The following C2CD2 variants were observed in gnomAD, a reference collection of about 807,000 sequenced individuals.
The protein encoded by C2CD2 is C2 domain-containing protein 2.
A neutral mutation model predicts 74.3 loss-of-function variants in C2CD2; 43 were observed. The observed-to-expected ratio is 0.58, with a 90% CI of 0.45 to 0.75. C2CD2 has a LOEUF of 0.75. Ranked by LOEUF, C2CD2 falls within the 30% of genes least tolerant of loss-of-function variation. The pLI is 0.00. For missense variants in C2CD2, 801 were observed against 916.3 expected (o/e 0.87, Z 1.63); for synonymous variants, 422 against 390.7 (o/e 1.08, Z -0.94).
chr21:41,914,668 T>TG lies in C2CD2; in HGVS notation c.773dup (p.Arg259LysfsTer27). 1 of 1,613,334 alleles carries TG rather than the reference T, an allele frequency of 6.2e-7. No individual in the cohort carries two copies. Among genetic ancestry groups the TG allele is most frequent in the Non-Finnish European group, 8.5e-7 (1 of 1,179,316 alleles). On this transcript the variant is annotated frameshift_variant, in exon 6 of 14. Transcript: ENST00000380486. LOFTEE classifies it high-confidence loss of function. ...CCAGTAGCTTCAGCTCGTGAGCCCTTGGAGGTTTAGGAGGACAGGATTCCT... is the reference window on the plus strand; with the variant it reads ...CCAGTAGCTTCAGCTCGTGAGCCCTTGGGAGGTTTAGGAGGACAGGATTCCT...
At chr21:41,925,805 C>G (rs1455457180) in intron 2 of C2CD2, among the ~76,000 whole-genome samples, 1 of 152,200 alleles carries the variant, frequency 6.6e-6, no homozygotes. Flanking sequence ...CTCCTCCTCT[C>G]TAGTTAGCCT....
intron 2 of C2CD2, among the ~76,000 whole-genome samples, chr21:41,934,915 A>G (rs1031918274): frequency 3.3e-5 from 5 of 151,156 alleles, no homozygotes; most frequent in Non-Finnish European, 5.9e-5. Context: ...TTTCCCGAGT[A>G]GAGTCTGGCT....
intron 2 of C2CD2, among the ~76,000 whole-genome samples, chr21:41,930,831 C>T (rs996343392): frequency 6.7e-6 from 1 of 150,278 alleles, no homozygotes; most frequent in Non-Finnish European, 1.5e-5. Context: ...CCCTGATTCA[C>T]ATTCATCTTT....
chr21:41,889,390 G>A (rs754222666), intron 13 of C2CD2, 46 bp from the exon 14 acceptor site: 1 of 1,314,396 alleles, frequency 7.6e-7, no homozygotes, highest in South Asian at 1.2e-5. Context: ...CAGGGAATGA[G>A]GGGCTGAATG....
intron 2 of C2CD2, among the ~76,000 whole-genome samples, chr21:41,930,016 G>C (rs953802353): frequency 7.5e-6 from 1 of 133,866 alleles, no homozygotes. Context: ...GGGAGGAAGC[G>C]AGCAGGTGAG....
chr21:41,928,911 A>G (rs56104533), intron 2 of C2CD2, among the ~76,000 whole-genome samples: 4,250 of 151,980 alleles, frequency 0.028, 190 homozygotes, highest in African/African-American at 0.097. Flanking sequence ...TCCTTTCCCT[A>G]TCTCTGTTGT....
chr21:41,901,536 T>C (rs752899653), intron 12 of C2CD2, 86 bp downstream of exon 12: 3 of 1,395,904 alleles, frequency 2.1e-6, no homozygotes, highest in Non-Finnish European at 2.0e-6. Flanking sequence ...AACCAAGTGC[T>C]TGGGCTAACT....
chr21:41,946,177 C>T (rs556515677), intron 1 of C2CD2, among the ~76,000 whole-genome samples: 6 of 152,168 alleles, frequency 3.9e-5, no homozygotes, highest in African/African-American at 7.2e-5. Flanking sequence ...CCAATGGTTG[C>T]GAAATCAGTG....
chr21:41,915,665 C>T (rs1298206131), intron 5 of C2CD2, among the ~76,000 whole-genome samples: 1 of 152,174 alleles, frequency 6.6e-6, no homozygotes, highest in African/African-American at 2.4e-5. Flanking sequence ...GTCTCGAAAT[C>T]TCCACTTCAG....
rs574148774 is a variant in C2CD2, at chr21:41,921,221, A to G, written c.492+751T>C. Among the ~76,000 whole-genome samples the G allele has an allele frequency of 5.2e-5, 8 of 152,382 alleles. No individual in the cohort carries two copies. In the South Asian group the frequency reaches 1.7e-3, roughly 32 times the overall value. ...TCCCCCAAATTAGGAGTCAAGTCCAAGGACACGGGACACGGGAGATGAAAC... is the reference window on the plus strand; with the variant it reads ...TCCCCCAAATTAGGAGTCAAGTCCAGGGACACGGGACACGGGAGATGAAAC... On this transcript the variant is annotated intron_variant, in intron 3 of 13. Coordinates refer to ENST00000380486, the MANE Select transcript of C2CD2 (RefSeq NM_015500.2).
chr21:41,926,515 T>C lies in C2CD2; in HGVS notation c.379-4430A>G, dbSNP rs1197960440. The C allele has an allele frequency of 2.8e-6, 2 of 702,582 alleles. No homozygotes were observed. Among genetic ancestry groups the C allele is most frequent in the African/African-American group, 3.9e-5 (2 of 51,872 alleles). The allele number at this position is 702,582 out of a possible 1,614,324, so 43.5% of individuals were successfully genotyped here. A position where few individuals can be genotyped will look rare whatever the true frequency, so the allele number is the denominator to read the frequency against. On this transcript the variant is annotated intron_variant, in intron 2 of 13. Transcript: ENST00000380486. This position sits in a 1 kb window ranked among gnomAD's most constrained non-coding sequence, Gnocchi z 8.0. ...AGCAGGCTGAGCGGGGAGGCCTTCA[T>C]TCACCTTCTCGGTGCTCTCTCCAGC...
At chr21:41,953,046 G>A (rs2065462729) in intron 1 of C2CD2, 3 of 314,978 alleles carry the variant, frequency 9.5e-6, no homozygotes, top group African/African-American at 2.1e-5. Flanking sequence ...ACGGGAATTC[G>A]CCCCGGGACT....
intron 3 of C2CD2, among the ~76,000 whole-genome samples, chr21:41,921,505 G>A (rs1362051770): frequency 6.6e-6 from 1 of 152,112 alleles, no homozygotes; most frequent in African/African-American, 2.4e-5. Flanking sequence ...ATGGAATAAT[G>A]GTAATACTAA....
chr21:41,934,253 C>A (rs1052549614), intron 2 of C2CD2, among the ~76,000 whole-genome samples: 2 of 151,916 alleles, frequency 1.3e-5, no homozygotes, highest in African/African-American at 4.8e-5. Flanking sequence ...CAAAGTGAGA[C>A]CCCATTTCTA....
chr21:41,911,583 G>A (rs2065026421), intron 7 of C2CD2, among the ~76,000 whole-genome samples: 1 of 151,600 alleles, frequency 6.6e-6, no homozygotes. Context: ...GTAGAGACAG[G>A]GTTTCATTTA....
At chr21:41,950,705 G>A (rs1038791354) in intron 1 of C2CD2, among the ~76,000 whole-genome samples, 9 of 152,306 alleles carry the variant, frequency 5.9e-5, no homozygotes, top group East Asian at 1.9e-4. Flanking sequence ...TCCAGTTCAC[G>A]GGCCTCAGTC....
Position 41,912,243 on chromosome 21 carries a change from T to A in C2CD2, c.953+89A>T, listed in dbSNP as rs1015422483. Reference sequence around the variant, plus strand: ...ACTGTTTTGGTTTAGTGTTTTAGCCTAAACGGTGCTGCAGAATGATTTCAG... The same window carrying A: ...ACTGTTTTGGTTTAGTGTTTTAGCCAAAACGGTGCTGCAGAATGATTTCAG... On this transcript the variant is annotated intron_variant, in intron 7 of 13. Coordinates refer to ENST00000380486, the MANE Select transcript of C2CD2 (RefSeq NM_015500.2). 2.9e-5 allele frequency: 21 copies of A among 730,264 alleles called. No individual in the cohort carries two copies. The Admixed American group carries it at 4.2e-4, about 14-fold the overall frequency. 45.2% of individuals were successfully genotyped at this position (730,264 alleles called of 1,614,324 possible). A position where few individuals can be genotyped will look rare whatever the true frequency, so the allele number is the denominator to read the frequency against.
rs952369309 is a variant in C2CD2 at position 41,915,613 on chromosome 21, T to C, written c.721-892A>G. On this transcript the variant is annotated intron_variant, in intron 5 of 13. Coordinates refer to ENST00000380486, the MANE Select transcript of C2CD2 (RefSeq NM_015500.2). ...CACCACACCCGGCTAATTCTTTTTG[T>C]ATTTTTAGTAGAGACAGGGTTTCAC... Among the ~76,000 whole-genome samples, 6 of 152,252 alleles carry C rather than the reference T, an allele frequency of 3.9e-5. No homozygotes were observed. In the Middle Eastern group the frequency reaches 0.01, roughly 259 times the overall value.
At chr21:41,904,799 C>A (rs897664444) in intron 11 of C2CD2, among the ~76,000 whole-genome samples, 1 of 152,166 alleles carries the variant, frequency 6.6e-6, no homozygotes. Context: ...CAGGACTCAG[C>A]GAATGTGGGA....
Sources: gnomAD v4.1 joint callset for allele counts (sites outside exome capture counted in the v4.1 genomes callset) on GRCh38, gnomAD v4.1.1 for gene constraint, Gnocchi (gnomAD v3.1) non-coding constraint, MANE v1.5 for transcripts, NCBI Gene and HGNC (gene_info 2026-07-23, HGNC 2026-07-21) for gene names.